The following MMP26 variants were observed in gnomAD, a reference collection of about 807,000 sequenced individuals.
MMP26 encodes the protein matrix metallopeptidase 26.
In MMP26, 33 loss-of-function variants were observed where a neutral mutation model predicts 31.0. The ratio of observed to expected loss-of-function variants is 1.06; its 90% CI spans 0.81 to 1.42. The LOEUF (loss-of-function observed/expected upper bound fraction) is 1.42, where lower values mean the gene tolerates loss of function less well. MMP26 is among the 40% of genes most tolerant of loss of function. The pLI is 0.00. For missense variants in MMP26, 347 were observed against 316.1 expected (o/e 1.10, Z -0.74); for synonymous variants, 122 against 114.9 (o/e 1.06, Z -0.40).
intron 2 of MMP26, among the ~76,000 whole-genome samples, chr11:4,922,151 G>T (rs1851195180): frequency 6.6e-6 from 1 of 152,128 alleles, no homozygotes; most frequent in Non-Finnish European, 1.5e-5. Context: ...ACAAGCATAT[G>T]AAAAAATGAT....
chr11:4,933,568 T>TA (rs1376559047), intron 2 of MMP26, among the ~76,000 whole-genome samples: 13 of 151,750 alleles, frequency 8.6e-5, no homozygotes, highest in African/African-American at 2.9e-4. Flanking sequence ...TTGTTTTGTT[T>TA]TTTTTATTTT....
chr11:4,793,589 G>A (rs1340095269), intron 2 of MMP26, among the ~76,000 whole-genome samples: 1 of 152,090 alleles, frequency 6.6e-6, no homozygotes, highest in Non-Finnish European at 1.5e-5. Context: ...CATTTTTCAT[G>A]CCATAGTTTC....
intron 2 of MMP26, among the ~76,000 whole-genome samples, chr11:4,839,812 A>G (rs1849770010): frequency 6.6e-6 from 1 of 151,764 alleles, no homozygotes; most frequent in Non-Finnish European, 1.5e-5. Flanking sequence ...GGGAAGAGTA[A>G]GAGGACTTTC....
At chr11:4,915,193 A>G in intron 2 of MMP26, 2 of 1,614,070 alleles carry the variant, frequency 1.2e-6, no homozygotes, top group Non-Finnish European at 1.7e-6. Flanking sequence ...TGAGTGCTAC[A>G]CTACGACCCA....
intron 2 of MMP26, among the ~76,000 whole-genome samples, chr11:4,915,904 G>T (rs1315776132): frequency 6.6e-6 from 1 of 152,164 alleles, no homozygotes; most frequent in Non-Finnish European, 1.5e-5. Flanking sequence ...GTGAAGTGAT[G>T]AGCCAAACTG....
chr11:4,850,831 A>G (rs937614843), intron 2 of MMP26, among the ~76,000 whole-genome samples: 4 of 151,070 alleles, frequency 2.6e-5, no homozygotes, highest in Non-Finnish European at 5.9e-5. Context: ...ATTCATTTCC[A>G]GTGTGATGGA....
At chr11:4,797,358 A>G (rs1308623533) in intron 2 of MMP26, among the ~76,000 whole-genome samples, 4 of 152,204 alleles carry the variant, frequency 2.6e-5, no homozygotes, top group African/African-American at 9.6e-5. Context: ...CAGTTGGCCC[A>G]CAGCGTATGT....
chr11:4,709,634 T>C (rs1169098347), intron 1 of MMP26: 2 of 457,066 alleles, frequency 4.4e-6, no homozygotes, highest in Non-Finnish European at 8.8e-6. Context: ...TCCCTGGCCT[T>C]GAAACCCGTC....
chr11:4,844,113 T>C (rs73403078), intron 2 of MMP26, among the ~76,000 whole-genome samples: 7,018 of 152,122 alleles, frequency 0.046, 529 homozygotes, highest in African/African-American at 0.16. Flanking sequence ...ACTGAAGAAA[T>C]TTAAAGGATA....
At chr11:4,943,505 C>A (rs572452287) in intron 2 of MMP26, 5 of 456,038 alleles carry the variant, frequency 1.1e-5, no homozygotes, top group East Asian at 1.4e-4. Context: ...ATGCTTGGCA[C>A]CACTGACATT....
chr11:4,859,700 C>A (rs781754574), intron 2 of MMP26: 1 of 469,546 alleles, frequency 2.1e-6, no homozygotes, highest in Admixed American at 2.3e-5. Flanking sequence ...GGGTTTAGCA[C>A]AGGCGGGAGC....
In MMP26 at chr11:4,988,143, CAGCTATAAAGATCCAGTGGCCCA is replaced by C. The variant is rs1846932840; in HGVS notation, c.-66_-44del. 65 of 1,368,330 alleles carry C rather than the reference CAGCTATAAAGATCCAGTGGCCCA, an allele frequency of 4.8e-5. No homozygotes were observed. The South Asian group carries it at 7.4e-4, about 16-fold the overall frequency. 84.8% of individuals were successfully genotyped at this position (1,368,330 alleles called of 1,614,324 possible). A position where few individuals can be genotyped will look rare whatever the true frequency, so the allele number is the denominator to read the frequency against. ...AGTGAGTCATTGGATGTTGCTGGCA[CAGCTATAAAGATCCAGTGGCCCA>C]AGTTGTGTACCTGAATTCAAGCAGT... On this transcript the variant is annotated 5_prime_UTR_variant, in exon 3 of 8. The change abolishes the stop of an existing upstream ORF in the 5' untranslated region. Transcript: ENST00000380390.
intron 2 of MMP26, among the ~76,000 whole-genome samples, chr11:4,883,137 G>C (rs1322349687): frequency 5.9e-5 from 9 of 152,054 alleles, no homozygotes; most frequent in Admixed American, 5.2e-4. Flanking sequence ...TATAAAAGCA[G>C]ACTAGTCACT....
At chr11:4,786,650 G>A (rs1181005989) in intron 2 of MMP26, 1 of 152,038 alleles carries the variant, frequency 6.6e-6, no homozygotes, top group Non-Finnish European at 1.5e-5. Flanking sequence ...AGATTTGGGA[G>A]AGAACATTCC....
chr11:4,849,145 G>T, intron 2 of MMP26: 2 of 1,613,916 alleles, frequency 1.2e-6, no homozygotes, highest in Non-Finnish European at 1.7e-6. Flanking sequence ...ATGCCCACCA[G>T]CAAGAAGGTG....
chr11:4,849,218 T>C, intron 2 of MMP26: 1 of 1,591,498 alleles, frequency 6.3e-7, no homozygotes, highest in East Asian at 2.2e-5. Flanking sequence ...TAGTTCAGGA[T>C]TCCACGTTGA....
chr11:4,984,718 A>G (rs1289176131), intron 2 of MMP26, among the ~76,000 whole-genome samples: 2 of 152,154 alleles, frequency 1.3e-5, no homozygotes, highest in Non-Finnish European at 2.9e-5. Flanking sequence ...CAATTGACAA[A>G]TATAAATTGT....
At chr11:4,976,045 C>T (rs1846732529) in intron 2 of MMP26, among the ~76,000 whole-genome samples, 1 of 151,910 alleles carries the variant, frequency 6.6e-6, no homozygotes. Flanking sequence ...AATGCTATGG[C>T]TTTCTGGAAG....
chr11:4,813,575 A>G (rs978100707), intron 2 of MMP26, among the ~76,000 whole-genome samples: 7 of 152,102 alleles, frequency 4.6e-5, no homozygotes, highest in Non-Finnish European at 1.0e-4. Context: ...TGACAGAACA[A>G]TGTTTTTATG....
Sources: gnomAD v4.1 joint callset for allele counts (sites outside exome capture counted in the v4.1 genomes callset) on GRCh38, gnomAD v4.1.1 for gene constraint, MANE v1.5 for transcripts, NCBI Gene and HGNC (gene_info 2026-07-23, HGNC 2026-07-21) for gene names.